The following PRSS23 variants were observed in gnomAD, a reference collection of about 807,000 sequenced individuals.
The protein encoded by PRSS23 is serine protease 23.
In PRSS23, 25 loss-of-function variants were observed where a neutral mutation model predicts 34.7. That is an observed-to-expected ratio of 0.72 (90% CI 0.53 to 1.01). The LOEUF (loss-of-function observed/expected upper bound fraction) is 1.01. Ranked by LOEUF, PRSS23 falls within the 50% of genes least tolerant of loss-of-function variation. PRSS23 has a pLI of 0.00. For missense variants in PRSS23, 445 were observed against 475.6 expected, an observed-to-expected ratio of 0.94 and a Z score of 0.60; for synonymous variants, 176 against 186.6, an observed-to-expected ratio of 0.94 and a Z score of 0.46.
Position 86,832,392 on chromosome 11 carries a change from T to G in PRSS23, c.206+8799T>G, listed in dbSNP as rs1419728768. On this transcript the variant is annotated intron_variant, in intron 2 of 2. Coordinates refer to the PRSS23 transcript ENST00000533902. ...TGTGTGTACACTCTGTGATAGTATT[T>G]TTCATATCCTAGGGAGCTATTACTC... 6.1e-4 allele frequency: 104 copies of G among 170,642 alleles called. 1 individual carries two copies. The highest frequency in any genetic ancestry group is 8.9e-5 in the Non-Finnish European group (7 of 79,088). 10.6% of individuals were successfully genotyped at this position (170,642 alleles called of 1,614,324 possible).
intron 2 of PRSS23, among the ~76,000 whole-genome samples, chr11:86,863,774 T>C (rs1369699227): frequency 1.4e-5 from 2 of 141,156 alleles, no homozygotes; most frequent in Non-Finnish European, 3.2e-5. Flanking sequence ...ATTGACTTCC[T>C]AACGATTAAC....
intron 2 of PRSS23, among the ~76,000 whole-genome samples, chr11:86,924,750 T>G (rs1565387577): frequency 6.6e-6 from 1 of 152,210 alleles, no homozygotes; most frequent in Non-Finnish European, 1.5e-5. Flanking sequence ...CTACATTGTT[T>G]AAAATGGTCC....
At position 86,939,426 on chromosome 11, in the gene PRSS23, A is replaced by ATTTTTTT; in HGVS notation, c.207-11784_207-11783insTTTTTTT. Among the ~76,000 whole-genome samples the ATTTTTTT allele has an allele frequency of 4.1e-3, 387 of 93,976 alleles. 5 individuals are homozygous for ATTTTTTT. The highest frequency in any genetic ancestry group is 0.012 in the African/African-American group (350 of 30,148). The allele number at this position is 93,976 out of a possible 152,430, so 61.7% of individuals were successfully genotyped here. ...AAAATATATATATATATATATATAT[A>ATTTTTTT]TTTTTTAACATGAGTAAAAATTGCA... On this transcript the variant is annotated intron_variant, in intron 2 of 2. Coordinates refer to the PRSS23 transcript ENST00000533902.
At chr11:86,925,913 G>T (rs898775969) in intron 2 of PRSS23, among the ~76,000 whole-genome samples, 5 of 152,268 alleles carry the variant, frequency 3.3e-5, no homozygotes, top group African/African-American at 9.6e-5. Flanking sequence ...TTCAAAATTT[G>T]GGGGTTTGTT....
chr11:86,892,975 G>T (rs1948851361), intron 2 of PRSS23, among the ~76,000 whole-genome samples: 1 of 152,160 alleles, frequency 6.6e-6, no homozygotes, highest in South Asian at 2.1e-4. Flanking sequence ...TCTGGAAATA[G>T]GGTCTTTGCA....
intron 2 of PRSS23, among the ~76,000 whole-genome samples, chr11:86,850,857 A>T (rs1948523715): frequency 6.6e-6 from 1 of 152,252 alleles, no homozygotes; most frequent in Admixed American, 6.5e-5. Flanking sequence ...GACATGTCAC[A>T]AAATAATTTA....
chr11:86,810,972 C>T lies in PRSS23; in HGVS notation c.*2177C>T. 1 of 166,916 alleles carries T rather than the reference C, an allele frequency of 6.0e-6. No homozygotes were observed. The allele number at this position is 166,916 out of a possible 1,614,324, so 10.3% of individuals were successfully genotyped here. A position where few individuals can be genotyped will look rare whatever the true frequency, so the allele number is the denominator to read the frequency against. On this transcript the variant is annotated 3_prime_UTR_variant, in exon 2 of 2. Transcript: ENST00000280258. ...TAGTGCTTTACATGTGTTAGTTATACATATTAGAAGCATATTTGCCTAGTA... is the reference window on the plus strand; with the variant it reads ...TAGTGCTTTACATGTGTTAGTTATATATATTAGAAGCATATTTGCCTAGTA...
At chr11:86,818,928 T>A (rs1314198237) in intron 1 of PRSS23, among the ~76,000 whole-genome samples, 1 of 152,210 alleles carries the variant, frequency 6.6e-6, no homozygotes, top group Non-Finnish European at 1.5e-5. Flanking sequence ...TGTTTTTAAC[T>A]TTGCCAACTC....
At chr11:86,840,437 C>A (rs1357583745) in intron 2 of PRSS23, among the ~76,000 whole-genome samples, 1 of 152,174 alleles carries the variant, frequency 6.6e-6, no homozygotes, top group Non-Finnish European at 1.5e-5. Flanking sequence ...TATATATGCA[C>A]CCAATACAGG....
intron 2 of PRSS23, among the ~76,000 whole-genome samples, chr11:86,899,796 A>G (rs955850220): frequency 4.6e-5 from 7 of 151,736 alleles, no homozygotes; most frequent in African/African-American, 1.7e-4. Context: ...GATTACAGGC[A>G]TGAGCCACCA....
chr11:86,800,309 T>G (rs1948014511), upstream of PRSS23: 1 of 338,602 alleles, frequency 3.0e-6, no homozygotes, highest in South Asian at 1.2e-4. Flanking sequence ...GACTGGCGAC[T>G]GCTGCCGCGC....
chr11:86,849,962 A>G (rs1948516754), intron 2 of PRSS23, among the ~76,000 whole-genome samples: 1 of 152,196 alleles, frequency 6.6e-6, no homozygotes, highest in Non-Finnish European at 1.5e-5. Flanking sequence ...GAATGTTGCT[A>G]TTTCATTAAC....
At chr11:86,851,496 G>A (rs1050015312) in intron 2 of PRSS23, among the ~76,000 whole-genome samples, 4 of 152,236 alleles carry the variant, frequency 2.6e-5, no homozygotes, top group Non-Finnish European at 4.4e-5. Flanking sequence ...CTGCCCGAGT[G>A]ACAAGGATTT....
chr11:86,916,441 C>T (rs1470275053), intron 2 of PRSS23, among the ~76,000 whole-genome samples: 1 of 152,164 alleles, frequency 6.6e-6, no homozygotes, highest in Non-Finnish European at 1.5e-5. Flanking sequence ...AACAATCCAG[C>T]AGAAACCAAA....
chr11:86,894,075 A>G (rs1287211252), intron 2 of PRSS23, among the ~76,000 whole-genome samples: 9 of 152,160 alleles, frequency 5.9e-5, no homozygotes, highest in Admixed American at 5.9e-4. Flanking sequence ...GTGCAGTGGC[A>G]CAATCTTGGC....
chr11:86,794,751 G>A (rs556051039), intron 1 of PRSS23, among the ~76,000 whole-genome samples: 45 of 152,022 alleles, frequency 3.0e-4, no homozygotes, highest in Non-Finnish European at 5.7e-4. Flanking sequence ...AGATTTGAGT[G>A]GTTTATCTTG....
At chr11:86,900,781 C>CTCTCTCTCTTTTTT (rs775258446) in intron 2 of PRSS23, among the ~76,000 whole-genome samples, 9 of 94,018 alleles carry the variant, frequency 9.6e-5, no homozygotes, top group Non-Finnish European at 1.5e-4. Flanking sequence ...ATCTCTCTCT[C>CTCTCTCTCTTTTTT]TTTTTTTTTT....
At chr11:86,882,571 G>A (rs186987092) in intron 2 of PRSS23, among the ~76,000 whole-genome samples, 10 of 152,166 alleles carry the variant, frequency 6.6e-5, no homozygotes, top group African/African-American at 1.9e-4. Context: ...ATTTCATGGC[G>A]TAAATGTACC....
chr11:86,859,033 G>A (rs767240846), intron 2 of PRSS23, among the ~76,000 whole-genome samples: 39 of 151,606 alleles, frequency 2.6e-4, no homozygotes, highest in Non-Finnish European at 3.4e-4. Flanking sequence ...TACACACACC[G>A]GTCTAAAATC....
Sources: gnomAD v4.1 joint callset for allele counts (sites outside exome capture counted in the v4.1 genomes callset) on GRCh38, gnomAD v4.1.1 for gene constraint, MANE v1.5 for transcripts, NCBI Gene and HGNC (gene_info 2026-07-23, HGNC 2026-07-21) for gene names.